Variants in BIRC6 observed in about 807,000 individuals in gnomAD.
BIRC6 encodes baculoviral IAP repeat containing 6.
A neutral mutation model predicts 503.3 loss-of-function variants in BIRC6; 98 were observed. The observed-to-expected ratio is 0.19, with a 90% CI of 0.17 to 0.23. BIRC6 has a LOEUF of 0.23. Among genes scored for constraint, BIRC6 ranks in the 10% least tolerant of loss-of-function variants. BIRC6 has a pLI of 1.00. For missense variants in BIRC6, 5,360 were observed against 5,806.0 expected (o/e 0.92, Z 2.50); for synonymous variants, 2,240 against 2,078.7 (o/e 1.08, Z -2.11).
At chr2:32,610,636 T>C (rs1359106596) in intron 72 of BIRC6, among the ~76,000 whole-genome samples, 3 of 152,236 alleles carry the variant, frequency 2.0e-5, no homozygotes, top group Non-Finnish European at 2.9e-5. Flanking sequence ...TTATTTAGCA[T>C]TTGCCTTCTG....
Position 32,617,831 on chromosome 2 carries a change from CTGAGGA to C in BIRC6, c.14502_14507del (p.Glu4835_Glu4836del). ...GAGGTGTGCAGAGCCACAACAGGTG[CTGAGGA>C]GACTCTAATGCATGATCAGGTTAAA... On this transcript the variant is annotated inframe_deletion, in exon 74 of 74. Coordinates refer to ENST00000421745, the MANE Select transcript of BIRC6 (RefSeq NM_016252.4). The C allele has an allele frequency of 6.2e-7, 1 of 1,614,006 alleles. No homozygotes were observed. Among genetic ancestry groups the C allele is most frequent in the Non-Finnish European group, 8.5e-7 (1 of 1,179,878 alleles).
intron 44 of BIRC6, among the ~76,000 whole-genome samples, chr2:32,491,869 A>G (rs1372812958): frequency 1.3e-5 from 2 of 152,084 alleles, no homozygotes; most frequent in Non-Finnish European, 2.9e-5. Context: ...AAATTTTGGA[A>G]TCAATAAATT....
At chr2:32,428,229 T>G (rs991803604) in intron 10 of BIRC6, among the ~76,000 whole-genome samples, 2 of 152,232 alleles carry the variant, frequency 1.3e-5, no homozygotes, top group African/African-American at 4.8e-5. Flanking sequence ...TGGTCTTTGC[T>G]GGACACGTGC....
intron 23 of BIRC6, among the ~76,000 whole-genome samples, chr2:32,454,278 T>C (rs2047007465): frequency 6.6e-6 from 1 of 152,176 alleles, no homozygotes; most frequent in South Asian, 2.1e-4. Context: ...TACTACTGAA[T>C]GATGTTTTTG....
chr2:32,377,555 A>C (rs778284829), intron 1 of BIRC6, 33 bp from the exon 2 acceptor site: 1 of 1,546,388 alleles, frequency 6.5e-7, no homozygotes, highest in African/African-American at 1.4e-5. Flanking sequence ...TGGCCTGAAA[A>C]TCTTAAGTGT....
intron 59 of BIRC6, chr2:32,528,005 G>A (rs1397070314): frequency 1.3e-5 from 2 of 152,140 alleles, no homozygotes; most frequent in African/African-American, 4.8e-5. Flanking sequence ...AGACTTCTGA[G>A]CTAAAAACCA....
At chr2:32,458,130 A>C (rs1452939605) in intron 23 of BIRC6, among the ~76,000 whole-genome samples, 2 of 152,064 alleles carry the variant, frequency 1.3e-5, no homozygotes, top group Non-Finnish European at 2.9e-5. Context: ...CTTAGTTTGT[A>C]TTTGTTCGAA....
chr2:32,396,487 T>C lies in BIRC6; in HGVS notation c.1034+894T>C, dbSNP rs116195966. Among the ~76,000 whole-genome samples the C allele has an allele frequency of 7.3e-3, 1,119 of 152,288 alleles. 8 individuals are homozygous for C. The highest frequency in any genetic ancestry group is 0.02 in the Middle Eastern group (6 of 294). Reference sequence around the variant, plus strand: ...TTGCAGTGTACCTATGGAGTTCAGATTGGAAAATACTGTATGAAAAATTCA... The same window carrying C: ...TTGCAGTGTACCTATGGAGTTCAGACTGGAAAATACTGTATGAAAAATTCA... On this transcript the variant is annotated intron_variant, in intron 6 of 73. Transcript: ENST00000421745.
chr2:32,423,883 G>A (rs889555306), intron 10 of BIRC6, among the ~76,000 whole-genome samples: 6 of 152,128 alleles, frequency 3.9e-5, no homozygotes, highest in African/African-American at 1.4e-4. Flanking sequence ...TACACTACCT[G>A]TCTGTTAGTC....
At position 32,381,437 on chromosome 2, in the gene BIRC6, G is replaced by A. The variant is rs1436033471; in HGVS notation, c.645+1147G>A. Reference sequence around the variant, plus strand: ...TATTTTTTAGTAGAGACAGGGTTTCGCCATGTTGGTCAGGCAGGTGGCGAA... The same window carrying A: ...TATTTTTTAGTAGAGACAGGGTTTCACCATGTTGGTCAGGCAGGTGGCGAA... On this transcript the variant is annotated intron_variant, in intron 3 of 73. Transcript: ENST00000421745. Among the ~76,000 whole-genome samples the A allele has an allele frequency of 3.3e-5, 5 of 150,848 alleles. No individual in the cohort carries two copies. The South Asian group carries it at 6.3e-4, about 19-fold the overall frequency.
intron 73 of BIRC6, among the ~76,000 whole-genome samples, chr2:32,612,471 T>G (rs570915263): frequency 1.3e-5 from 2 of 152,254 alleles, no homozygotes; most frequent in African/African-American, 2.4e-5. Flanking sequence ...CTCCCTTTTC[T>G]ATCTTCAGGT....
chr2:32,502,415 AAC>A (rs2053303028), intron 47 of BIRC6, among the ~76,000 whole-genome samples: 1 of 152,172 alleles, frequency 6.6e-6, no homozygotes, highest in Non-Finnish European at 1.5e-5. Context: ...CAGATATTAG[AAC>A]AGTTTCTTAT....
At chr2:32,574,984 G>A (rs1011126031) in intron 65 of BIRC6, among the ~76,000 whole-genome samples, 172 bp from the exon 66 acceptor site, 1 of 152,196 alleles carries the variant, frequency 6.6e-6, no homozygotes, top group Non-Finnish European at 1.5e-5. Flanking sequence ...CCGACCTCGG[G>A]TGATCTGCCT....
intron 65 of BIRC6, among the ~76,000 whole-genome samples, chr2:32,569,724 T>A (rs2150925631): frequency 6.6e-6 from 1 of 152,166 alleles, no homozygotes; most frequent in East Asian, 1.9e-4. Flanking sequence ...CTTGATTTAA[T>A]CCTTGGCTAG....
chr2:32,608,440 G>A (rs557541152), intron 72 of BIRC6, among the ~76,000 whole-genome samples: 3 of 150,846 alleles, frequency 2.0e-5, no homozygotes, highest in South Asian at 2.1e-4. Context: ...GTCCCATCCC[G>A]TTTCGTTCTC....
chr2:32,444,050 A>G (rs1160771002), intron 20 of BIRC6, among the ~76,000 whole-genome samples: 3 of 136,538 alleles, frequency 2.2e-5, no homozygotes, highest in Admixed American at 7.1e-5. Flanking sequence ...TTTTTTTTTT[A>G]AAGCACCTGA....
chr2:32,543,143 A>ATCCT, intron 61 of BIRC6, 98 bp from the exon 62 acceptor site: 1 of 1,290,128 alleles, frequency 7.8e-7, no homozygotes, highest in Non-Finnish European at 1.1e-6. Context: ...AATCCTTATA[A>ATCCT]TCCTATATTT....
intron 22 of BIRC6, among the ~76,000 whole-genome samples, chr2:32,453,149 T>C (rs1360529837): frequency 6.6e-6 from 1 of 152,150 alleles, no homozygotes; most frequent in Non-Finnish European, 1.5e-5. Flanking sequence ...TGTGAATTCA[T>C]TTGTGTTCTT....
At chr2:32,542,148 A>T (rs2057711238) in intron 61 of BIRC6, among the ~76,000 whole-genome samples, 2 of 152,044 alleles carry the variant, frequency 1.3e-5, no homozygotes, top group African/African-American at 4.8e-5. Flanking sequence ...ACATGTATAC[A>T]TACATGTATT....
Sources: allele counts gnomAD v4.1 joint callset (sites outside exome capture counted in the v4.1 genomes callset), GRCh38; gene constraint gnomAD v4.1.1; transcripts MANE v1.5; gene names NCBI Gene and HGNC (gene_info 2026-07-23, HGNC 2026-07-21).